The following ABHD11 variants were observed in gnomAD, a reference collection of about 807,000 sequenced individuals.
The protein encoded by ABHD11 is abhydrolase domain containing 11.
In ABHD11, 26 loss-of-function variants were observed where a neutral mutation model predicts 29.0. The ratio of observed to expected loss-of-function variants is 0.90; its 90% CI spans 0.66 to 1.24. ABHD11 has a LOEUF of 1.24. Among genes scored for constraint, ABHD11 ranks in the 50% most tolerant of loss-of-function variants. The pLI, the probability that ABHD11 is intolerant of heterozygous loss-of-function variation, is 0.00. For missense variants in ABHD11, 381 were observed against 422.4 expected, an observed-to-expected ratio of 0.90 and a Z score of 0.86; for synonymous variants, 169 against 166.4, an observed-to-expected ratio of 1.02 and a Z score of -0.12.
rs1202734410 is a variant in ABHD11 at position 73,738,167 on chromosome 7, G to A, written c.261+161C>T. The stretch of plus-strand genomic sequence containing the variant: ...TCTACAACATGAATTAATGAAGATG[G>A]CAACGTGAGGGAATAAATGGGGTTG... On this transcript the variant is annotated intron_variant, in intron 2 of 5. Coordinates refer to ENST00000222800, the MANE Select transcript of ABHD11 (RefSeq NM_148912.4). 11 of 1,207,618 alleles carry A rather than the reference G, an allele frequency of 9.1e-6. No homozygotes were observed. In the East Asian group the frequency reaches 2.8e-4, roughly 31 times the overall value. The allele number at this position is 1,207,618 out of a possible 1,614,324, so 74.8% of individuals were successfully genotyped here.
chr7:73,738,515 G>A, intron 1 of ABHD11, 52 bp from the exon 2 acceptor site: 2 of 1,583,092 alleles, frequency 1.3e-6, no homozygotes, highest in Non-Finnish European at 1.7e-6. Context: ...GACGGGGAAA[G>A]GGGTAGGGGG....
At position 73,738,187 on chromosome 7, in the gene ABHD11, G is replaced by A. The variant is rs781980694; in HGVS notation, c.261+141C>T. 4.0e-4 allele frequency: 514 copies of A among 1,295,940 alleles called. 1 individual carries two copies. The highest frequency in any genetic ancestry group is 6.5e-4 in the South Asian group (51 of 78,124). The allele number at this position is 1,295,940 out of a possible 1,614,324, so 80.3% of individuals were successfully genotyped here. ...AGATGGCAACGTGAGGGAATAAATG[G>A]GGTTGCCGTTCAGGGTCCATACTCA... On this transcript the variant is annotated intron_variant, in intron 2 of 5. Transcript: ENST00000222800.
At position 73,737,577 on chromosome 7, in the gene ABHD11, C is replaced by A; in HGVS notation, c.420G>T (p.Leu140=). Reference sequence around the variant, plus strand: ...GGCGGCTCACCCTCTGTAGTGCCAGCAGCATGGCTGTCTTTCCTCCCATGC... The same window carrying A: ...GGCGGCTCACCCTCTGTAGTGCCAGAAGCATGGCTGTCTTTCCTCCCATGC... The part of the protein sequence containing the change: ...GHSMGGKTAM[L]LALQRPELVE... The change falls in exon 3 of 6, where the codon CTG becomes CTT. Residue 140 remains leucine (L), a synonymous_variant. Transcript: ENST00000222800. The A allele has an allele frequency of 6.2e-7, 1 of 1,608,722 alleles. No individual in the cohort carries two copies. Among genetic ancestry groups the A allele is most frequent in the Non-Finnish European group, 8.5e-7 (1 of 1,177,458 alleles).
At position 73,737,726 on chromosome 7, in the gene ABHD11, C is replaced by A; in HGVS notation, c.271G>T (p.Val91Leu). The A allele has an allele frequency of 6.2e-7, 1 of 1,610,402 alleles. No homozygotes were observed. Among genetic ancestry groups the A allele is most frequent in the Non-Finnish European group, 8.5e-7 (1 of 1,178,268 alleles). ...CTGTCACCGTGGTTACGAGCATCCACCGTCAGCACCTGGGGAGTGGGGTGA... is the reference window on the plus strand; with the variant it reads ...CTGTCACCGTGGTTACGAGCATCCAACGTCAGCACCTGGGGAGTGGGGTGA... ...AQQTGRRVLT[V>L]DARNHGDSPH... The change falls in exon 3 of 6, where the codon GTG (valine) becomes TTG (leucine). Residue 91 changes from valine (V) to leucine (L), a missense_variant. By Grantham distance (32) the Val-to-Leu change is conservative. Transcript: ENST00000222800.
Position 73,738,738 on chromosome 7 carries a change from C to T in ABHD11, c.33G>A (p.Pro11=), listed in dbSNP as rs782593983. Residue 11 remains proline, a synonymous_variant, in exon 1 of 6, where the codon CCG becomes CCA. Coordinates refer to ENST00000222800, the MANE Select transcript of ABHD11 (RefSeq NM_148912.4). Reference sequence around the variant, plus strand: ...GGCCGTGGGGGCCGAGTCCCTCACGCGGGAGCCTCCAGGCTCGGGTCCAGC... The same window carrying T: ...GGCCGTGGGGGCCGAGTCCCTCACGTGGGAGCCTCCAGGCTCGGGTCCAGC... MLRWTRAWRL[P]REGLGPHGPS... The T allele has an allele frequency of 6.2e-7, 1 of 1,609,826 alleles. No homozygotes were observed. Among genetic ancestry groups the T allele is most frequent in the Non-Finnish European group, 8.5e-7 (1 of 1,177,994 alleles).
rs782107419 is a variant in ABHD11, at chr7:73,736,535, C to T, written c.*24G>A. ...AATTACAGGCATGAGCCACCACGCC[C>T]GGCCATCTTCTTGCCAGCAACTCTT... On this transcript the variant is annotated 3_prime_UTR_variant, in exon 6 of 6. Transcript: ENST00000222800. 30 of 1,612,496 alleles carry T rather than the reference C, an allele frequency of 1.9e-5. No homozygotes were observed. The African/African-American group carries it at 2.7e-4, about 14-fold the overall frequency.
In ABHD11 at chr7:73,738,780, C is replaced by A; in HGVS notation, c.-10G>T. ...GGGTCCAGCGGAGCATGCTTGCAAG[C>A]TGTTGGCCGGCTCGCATCTCACAAG... On this transcript the variant is annotated 5_prime_UTR_variant, in exon 1 of 6. Transcript: ENST00000222800. 3 of 1,598,280 alleles carry A rather than the reference C, an allele frequency of 1.9e-6. No individual in the cohort carries two copies. Among genetic ancestry groups the A allele is most frequent in the Non-Finnish European group, 2.6e-6 (3 of 1,171,516 alleles).
rs147198994 is a variant in ABHD11 at position 73,737,249 on chromosome 7, G to A, written c.578C>T (p.Ala193Val). ...GATGACAGAACTGAGCTGTTCATCC[G>A]CCAGTTTTCGGGCACGGGAGCGGGG... Reference protein sequence around the residue: ...ELPRSRARKLADEQLSSVIQD... With the variant: ...ELPRSRARKLVDEQLSSVIQD... The change falls in exon 4 of 6, where the codon GCG becomes GTG. Residue 193 changes from alanine to valine, a missense_variant. Transcript: ENST00000222800. The A allele has an allele frequency of 3.7e-5, 59 of 1,613,964 alleles. No individual in the cohort carries two copies. Among genetic ancestry groups the A allele is most frequent in the East Asian group, 1.1e-4 (5 of 44,892 alleles).
intron 2 of ABHD11, 75 bp from the exon 3 acceptor site, chr7:73,737,810 A>C: frequency 6.5e-7 from 1 of 1,540,500 alleles, no homozygotes. Context: ...TTGTAGGGAC[A>C]GCAGGTCAAA....
Position 73,738,643 on chromosome 7 carries a change from GA to G in ABHD11, c.125+2del. 1 of 1,592,674 alleles carries G rather than the reference GA, an allele frequency of 6.3e-7. No homozygotes were observed. The highest frequency in any genetic ancestry group is 8.5e-7 in the Non-Finnish European group (1 of 1,172,040). ...GGCCTCCCGCCCGGTGCCCTTGACT[GA>G]CCTCGGCTCGGCGCCCCCTCGGCCG... On this transcript the variant is annotated splice_donor_variant, in intron 1 of 5. Transcript: ENST00000222800. LOFTEE classifies it high-confidence loss of function.
At chr7:73,737,849 T>C (rs1200764179) in intron 2 of ABHD11, 114 bp from the exon 3 acceptor site, 2 of 1,442,740 alleles carry the variant, frequency 1.4e-6, no homozygotes, top group African/African-American at 1.4e-5. Flanking sequence ...ATACACCCTG[T>C]GGAGGGGAAG....
intron 3 of ABHD11, 44 bp downstream of exon 3, chr7:73,737,518 G>A: frequency 1.3e-6 from 2 of 1,570,714 alleles, no homozygotes; most frequent in Non-Finnish European, 1.7e-6. Flanking sequence ...GGGCCCTCAG[G>A]GTATATACTG....
rs781820285 is a variant in ABHD11 at position 73,738,359 on chromosome 7, G to A, written c.230C>T (p.Ala77Val). 10 of 1,613,544 alleles carry A rather than the reference G, an allele frequency of 6.2e-6. No individual in the cohort carries two copies. Among genetic ancestry groups the A allele is most frequent in the Non-Finnish European group, 8.5e-6 (10 of 1,179,808 alleles). ...FGSKTNFNSI[A>V]KILAQQTGRR... is the part of the protein sequence containing the mutation. ...GCCTGTCTGCTGGGCCAAGATCTTG[G>A]CGATGGAGTTGAAGTTAGTTTTGCT... The change falls in exon 2 of 6, where the codon GCC (alanine) becomes GTC (valine). Residue 77 changes from alanine to valine, a missense_variant. Physicochemically the swap from Ala to Val is moderately conservative, Grantham distance 64. Transcript: ENST00000222800.
chr7:73,738,607 G>A, intron 1 of ABHD11, 39 bp downstream of exon 1: 1 of 1,576,726 alleles, frequency 6.3e-7, no homozygotes. Flanking sequence ...AGGAAAAGGA[G>A]GACAGAGGAT....
chr7:73,738,669 G>A lies in ABHD11; in HGVS notation c.102C>T (p.Gly34=). Residue 34 remains glycine, a synonymous_variant, in exon 1 of 6, where the codon GGC becomes GGT. Transcript: ENST00000222800. ...ACCTCGGCTCGGCGCCCCCTCGGCC[G>A]CCGCTGCTGCTGCTGGGTGCGACAG... The part of the protein sequence containing the change: ...RVPVAPSSSS[G]GRGGAEPRPL... 1 of 1,596,828 alleles carries A rather than the reference G, an allele frequency of 6.3e-7. No homozygotes were observed. The highest frequency in any genetic ancestry group is 1.1e-5 in the South Asian group (1 of 88,990).
chr7:73,736,640 C>T lies in ABHD11; in HGVS notation c.840G>A (p.Gln280=). 1 of 1,614,050 alleles carries T rather than the reference C, an allele frequency of 6.2e-7. No homozygotes were observed. The highest frequency in any genetic ancestry group is 1.1e-5 in the South Asian group (1 of 91,078). ...IMRLFPRAQM[Q]TVPNAGHWIH... ...TCCAGTGGCCAGCGTTCGGCACCGT[C>T]TGCATCTGGGCCCGAGGGAAGAGCC... Residue 280 remains glutamine, a synonymous_variant, in exon 6 of 6, where the codon CAG becomes CAA. Transcript: ENST00000222800.
In ABHD11 at chr7:73,737,628, C is replaced by T; in HGVS notation, c.369G>A (p.Leu123=). ...DLQDLLPQLG[L]VPCVVVGHSM... ...TGTGGCCAACGACGACGCAGGGCACCAGGCCCAGCTGGGGCAGAAGGTCCT... is the reference window on the plus strand; with the variant it reads ...TGTGGCCAACGACGACGCAGGGCACTAGGCCCAGCTGGGGCAGAAGGTCCT... The change falls in exon 3 of 6, where the codon CTG becomes CTA. Residue 123 remains leucine, a synonymous_variant. Transcript: ENST00000222800. 6.2e-7 allele frequency: 1 copy of T among 1,614,024 alleles called. No individual in the cohort carries two copies. Among genetic ancestry groups the T allele is most frequent in the Non-Finnish European group, 8.5e-7 (1 of 1,179,974 alleles).
chr7:73,738,310 G>T lies in ABHD11; in HGVS notation c.261+18C>A. The T allele has an allele frequency of 1.8e-6, 1 of 554,066 alleles. No homozygotes were observed. The highest frequency in any genetic ancestry group is 1.6e-5 in the South Asian group (1 of 64,128). The allele number at this position is 554,066 out of a possible 1,614,324, so 34.3% of individuals were successfully genotyped here. A position where few individuals can be genotyped will look rare whatever the true frequency, so the allele number is the denominator to read the frequency against. The stretch of plus-strand genomic sequence containing the variant: ...TCCCGCCCAGCCCCAAAGGAGCCCC[G>T]CCCACTCGAAAGCTCACCCTACGGC... On this transcript the variant is annotated intron_variant, in intron 2 of 5. Transcript: ENST00000222800.
intron 1 of ABHD11, 88 bp downstream of exon 1, chr7:73,738,558 C>A (rs1800214714): frequency 3.2e-6 from 5 of 1,563,182 alleles, no homozygotes; most frequent in Non-Finnish European, 4.3e-6. Context: ...TGGGAGGTGA[C>A]AGGCCCAAAG....
Sources: gnomAD v4.1 joint callset for allele counts on GRCh38, gnomAD v4.1.1 for gene constraint, MANE v1.5 for transcripts, NCBI Gene and HGNC (gene_info 2026-07-23, HGNC 2026-07-21) for gene names.